The following UBR2 variants were observed in gnomAD, a reference collection of about 807,000 sequenced individuals.
The protein encoded by UBR2 is E3 ubiquitin-protein ligase UBR2.
Under a neutral mutation model 247.9 loss-of-function variants are expected in UBR2, and 92 were observed. The observed-to-expected ratio is 0.37, with a 90% confidence interval of 0.31 to 0.44. The LOEUF (loss-of-function observed/expected upper bound fraction) is 0.44. Ranked by LOEUF, UBR2 falls within the 20% of genes least tolerant of loss-of-function variation. The pLI is 1.00. For missense variants in UBR2, 1,613 were observed against 2,112.6 expected (o/e 0.76, Z 4.64); for synonymous variants, 672 against 693.5 (o/e 0.97, Z 0.49).
chr6:42,586,557 T>C (rs1277824344), intron 2 of UBR2, among the ~76,000 whole-genome samples: 1 of 149,370 alleles, frequency 6.7e-6, no homozygotes, highest in African/African-American at 2.5e-5. Context: ...TTTTTTTTTT[T>C]TGTTCCTCTG....
intron 2 of UBR2, among the ~76,000 whole-genome samples, chr6:42,578,522 A>G (rs559739732): frequency 1.3e-5 from 2 of 152,016 alleles, no homozygotes; most frequent in South Asian, 2.1e-4. Context: ...TTTTAGGGTG[A>G]TTTTTCCTCC....
At chr6:42,566,697 T>G (rs1790799927) in intron 1 of UBR2, among the ~76,000 whole-genome samples, 1 of 151,766 alleles carries the variant, frequency 6.6e-6, no homozygotes, top group Non-Finnish European at 1.5e-5. Flanking sequence ...CTACCCTGTT[T>G]ACTTTTAAAT....
At chr6:42,586,822 C>CT (rs34530579) in intron 2 of UBR2, among the ~76,000 whole-genome samples, 9,299 of 123,588 alleles carry the variant, frequency 0.075, 696 homozygotes, top group Middle Eastern at 0.12. Context: ...CACCTATAAA[C>CT]TTTTTTTTTT....
chr6:42,568,242 A>AT (rs747325392), intron 1 of UBR2, among the ~76,000 whole-genome samples: 1 of 152,094 alleles, frequency 6.6e-6, no homozygotes, highest in Non-Finnish European at 1.5e-5. Flanking sequence ...ATTTTGGGAC[A>AT]TTTTTATCAC....
chr6:42,597,654 C>T (rs944425864), intron 4 of UBR2, among the ~76,000 whole-genome samples: 1 of 151,836 alleles, frequency 6.6e-6, no homozygotes, highest in Non-Finnish European at 1.5e-5. Flanking sequence ...TGGCTGACAC[C>T]TGTAATCCCA....
intron 40 of UBR2, among the ~76,000 whole-genome samples, chr6:42,677,118 C>T (rs1798761269): frequency 6.6e-6 from 1 of 152,168 alleles, no homozygotes; most frequent in African/African-American, 2.4e-5. Flanking sequence ...CCTTCATTTG[C>T]TCAGGGATCT....
chr6:42,658,888 C>T lies in UBR2; in HGVS notation c.3242+64C>T, dbSNP rs1021965669. The T allele has an allele frequency of 6.1e-5, 88 of 1,440,626 alleles. 1 individual carries two copies. Among genetic ancestry groups the T allele is most frequent in the Non-Finnish European group, 7.2e-5 (78 of 1,090,228 alleles). The allele number at this position is 1,440,626 out of a possible 1,614,324, so 89.2% of individuals were successfully genotyped here. A position where few individuals can be genotyped will look rare whatever the true frequency, so the allele number is the denominator to read the frequency against. On this transcript the variant is annotated intron_variant, in intron 29 of 46. Coordinates refer to ENST00000372901, the MANE Select transcript of UBR2 (RefSeq NM_001363705.2). ...TTTTTCCCAACTAGGGGCAGTGTTG[C>T]GTTTTCTCCTTGTAAGTATACTTTT...
chr6:42,581,791 CTGT>C, intron 2 of UBR2, among the ~76,000 whole-genome samples: 1 of 152,188 alleles, frequency 6.6e-6, no homozygotes, highest in Non-Finnish European at 1.5e-5. Context: ...TGCCTACAAT[CTGT>C]TGTTCTGTTG....
At chr6:42,571,000 T>C (rs897269417) in intron 1 of UBR2, among the ~76,000 whole-genome samples, 5 of 151,922 alleles carry the variant, frequency 3.3e-5, no homozygotes, top group African/African-American at 1.2e-4. Flanking sequence ...TTTTTTTTTT[T>C]CTTAACCAGA....
At chr6:42,581,242 T>C (rs971520461) in intron 2 of UBR2, among the ~76,000 whole-genome samples, 19 of 151,688 alleles carry the variant, frequency 1.3e-4, no homozygotes, top group African/African-American at 4.1e-4. Flanking sequence ...CAGGCTGAAG[T>C]GCAGTGGCAT....
intron 38 of UBR2, among the ~76,000 whole-genome samples, chr6:42,675,466 T>C (rs1019938467): frequency 6.6e-6 from 1 of 152,172 alleles, no homozygotes; most frequent in Non-Finnish European, 1.5e-5. Context: ...TGGAGAGAGT[T>C]CAGATACTGT....
Position 42,644,474 on chromosome 6 carries a change from ATGT to A in UBR2, c.2227_2229del (p.Val743del), listed in dbSNP as rs1225994770. ...TTTATCTTCCCTCACTTGTTATAGG[ATGT>A]TGTTCAGCAGAACAATACTCTAATA... On this transcript the variant is annotated inframe_deletion and splice_region_variant, in exon 20 of 47. Transcript: ENST00000372901. The A allele has an allele frequency of 3.1e-6, 5 of 1,611,676 alleles. No individual in the cohort carries two copies. Among genetic ancestry groups the A allele is most frequent in the Non-Finnish European group, 4.2e-6 (5 of 1,179,128 alleles).
chr6:42,635,094 A>AT (rs1386150459), intron 13 of UBR2, among the ~76,000 whole-genome samples: 2 of 152,144 alleles, frequency 1.3e-5, no homozygotes, highest in Admixed American at 1.3e-4. Flanking sequence ...TCTTTTAACA[A>AT]TTTTTTCTAT....
At chr6:42,666,340 G>A in intron 34 of UBR2, 95 bp downstream of exon 34, 1 of 1,043,762 alleles carries the variant, frequency 9.6e-7, no homozygotes, top group Non-Finnish European at 1.4e-6. Flanking sequence ...AAGTGAGGGA[G>A]CAAAATGTTA....
At chr6:42,690,412 TGAGTGA>T (rs774543563) in intron 46 of UBR2, among the ~76,000 whole-genome samples, 1 of 152,248 alleles carries the variant, frequency 6.6e-6, no homozygotes, top group South Asian at 2.1e-4. Context: ...GTCTGATTAG[TGAGTGA>T]GAGGATGGCT....
At chr6:42,682,922 A>G in intron 42 of UBR2, 133 bp from the exon 43 acceptor site, 1 of 698,498 alleles carries the variant, frequency 1.4e-6, no homozygotes, top group Non-Finnish European at 2.4e-6. Flanking sequence ...GTATTTCTAC[A>G]GGTTTCTTTT....
intron 1 of UBR2, among the ~76,000 whole-genome samples, chr6:42,566,766 C>T (rs1052824589): frequency 2.6e-5 from 4 of 151,736 alleles, no homozygotes; most frequent in Admixed American, 1.3e-4. Flanking sequence ...GGGTCTTGCA[C>T]TGTTGCCCAG....
intron 26 of UBR2, among the ~76,000 whole-genome samples, chr6:42,657,130 G>T (rs1327056921): frequency 6.6e-6 from 1 of 151,470 alleles, no homozygotes; most frequent in Non-Finnish European, 1.5e-5. Flanking sequence ...AGCTGCTCGG[G>T]AGGCTGAGGC....
chr6:42,576,522 CTTTTT>C (rs58739895), intron 2 of UBR2, among the ~76,000 whole-genome samples: 1,317 of 86,108 alleles, frequency 0.015, 16 homozygotes, highest in African/African-American at 0.059. Flanking sequence ...GCCTTTCCCT[CTTTTT>C]TTTTTTTTTT....
Sources: allele counts gnomAD v4.1 joint callset (sites outside exome capture counted in the v4.1 genomes callset), GRCh38; gene constraint gnomAD v4.1.1; transcripts MANE v1.5; gene names NCBI Gene and HGNC (gene_info 2026-07-23, HGNC 2026-07-21).